PELI1: variants seen among roughly 807,000 people sequenced by gnomAD.
PELI1 encodes the protein pellino E3 ubiquitin protein ligase 1.
Under a neutral mutation model 41.3 loss-of-function variants are expected in PELI1, and 15 were observed. The ratio of observed to expected loss-of-function variants is 0.36; its 90% CI spans 0.24 to 0.56. PELI1 has a LOEUF of 0.56. Ranked by LOEUF, PELI1 falls within the 20% of genes least tolerant of loss-of-function variation. The probability of loss-of-function intolerance (pLI) is 0.82; values close to 1 mark genes in which losing one functional copy is unlikely to be tolerated. For missense variants in PELI1, 403 were observed against 525.5 expected (o/e 0.77, Z 2.28); for synonymous variants, 178 against 180.1 (o/e 0.99, Z 0.09).
intron 1 of PELI1, among the ~76,000 whole-genome samples, chr2:64,129,652 A>G (rs1192399824): frequency 6.6e-6 from 1 of 152,120 alleles, no homozygotes; most frequent in Non-Finnish European, 1.5e-5. Context: ...TAGGCTATTT[A>G]TAAGTTTTCT....
At chr2:64,104,307 T>C (rs1680544228) in intron 3 of PELI1, among the ~76,000 whole-genome samples, 1 of 150,424 alleles carries the variant, frequency 6.6e-6, no homozygotes, top group Non-Finnish European at 1.5e-5. Flanking sequence ...AATACCTGAA[T>C]ACACATATTA....
rs568081785 is a variant in PELI1, at chr2:64,131,619, CTTT to C, written c.-70+12459_-70+12461del. Among the ~76,000 whole-genome samples, 27 of 144,396 alleles carry C rather than the reference CTTT, an allele frequency of 1.9e-4. No homozygotes were observed. The South Asian group carries it at 5.0e-3, about 27-fold the overall frequency. 94.7% of individuals were successfully genotyped at this position (144,396 alleles called of 152,430 possible). On this transcript the variant is annotated intron_variant, in intron 1 of 6. Transcript: ENST00000358912. ...TAGAGAGTGAAATAGTAATCTCTCT[CTTT>C]TTTTTTTTTTTAAATTGAGACGGAG...
intron 1 of PELI1, among the ~76,000 whole-genome samples, chr2:64,129,387 C>A (rs1468841615): frequency 6.6e-6 from 1 of 152,058 alleles, no homozygotes; most frequent in Non-Finnish European, 1.5e-5. Flanking sequence ...TTTTAATATA[C>A]CCCTGACATT....
chr2:64,106,284 T>TTG (rs1388475602), intron 2 of PELI1: 2 of 152,214 alleles, frequency 1.3e-5, no homozygotes, highest in Non-Finnish European at 2.9e-5. Flanking sequence ...GCATGAAACC[T>TTG]TGTCCAGCTT....
intron 1 of PELI1, among the ~76,000 whole-genome samples, chr2:64,137,937 T>C (rs1011302874): frequency 2.6e-5 from 4 of 152,164 alleles, no homozygotes; most frequent in African/African-American, 9.7e-5. Context: ...CCATGGTGAC[T>C]ACTCTAAAGT....
intron 1 of PELI1, among the ~76,000 whole-genome samples, chr2:64,119,279 A>G (rs1303240049): frequency 6.6e-6 from 1 of 152,242 alleles, no homozygotes; most frequent in Non-Finnish European, 1.5e-5. Flanking sequence ...AATAGAAAAG[A>G]TCTGATGAAT....
Position 64,141,304 on chromosome 2 carries a change from G to GCC in PELI1, c.-70+2775_-70+2776dup, listed in dbSNP as rs766850456. Reference sequence around the variant, plus strand: ...TAACTTTTGGAATAACATGTTTCCCGCCCCCACCCCAAAGGAGCTCCTAAA... The same window carrying GCC: ...TAACTTTTGGAATAACATGTTTCCCGCCCCCCCACCCCAAAGGAGCTCCTAAA... On this transcript the variant is annotated intron_variant, in intron 1 of 6. Transcript: ENST00000358912. 6.5e-3 allele frequency among the ~76,000 whole-genome samples: 512 copies of GCC among 78,194 alleles called. 5 individuals are homozygous for GCC. Among genetic ancestry groups the GCC allele is most frequent in the Middle Eastern group, 0.036 (4 of 112 alleles). The allele number at this position is 78,194 out of a possible 152,430, so 51.3% of individuals were successfully genotyped here.
chr2:64,099,741 G>A (rs1489357314), intron 4 of PELI1, among the ~76,000 whole-genome samples: 2 of 152,200 alleles, frequency 1.3e-5, no homozygotes, highest in Non-Finnish European at 2.9e-5. Context: ...AAGCTTCAGA[G>A]AGCTCAATAT....
chr2:64,116,984 G>C (rs1389055511), intron 1 of PELI1, among the ~76,000 whole-genome samples: 1 of 152,186 alleles, frequency 6.6e-6, no homozygotes, highest in Non-Finnish European at 1.5e-5. Context: ...TGTTATAACT[G>C]TTTGGGGGTG....
chr2:64,143,801 C>CA lies in PELI1; in HGVS notation c.-70+279dup, dbSNP rs992039499. Among the ~76,000 whole-genome samples, 88 of 152,080 alleles carry CA rather than the reference C, an allele frequency of 5.8e-4. No homozygotes were observed. The Middle Eastern group carries it at 0.01, about 18-fold the overall frequency. ...CTCGCAGCCGGAGCGCGCGGCCAGC[C>CA]AGGCGCGGGGCTCGGAGTTGGCCGC... On this transcript the variant is annotated intron_variant, in intron 1 of 6. Transcript: ENST00000358912.
At chr2:64,143,787 AGC>A (rs1491540256) in intron 1 of PELI1, among the ~76,000 whole-genome samples, 5 of 151,834 alleles carry the variant, frequency 3.3e-5, no homozygotes, top group Non-Finnish European at 7.4e-5. Flanking sequence ...TCGCAGCCGG[AGC>A]GCGCGGCCAG....
chr2:64,092,691 T>C lies in PELI1; in HGVS notation c.*2011A>G, dbSNP rs1048845917. 1 of 152,196 alleles carries C rather than the reference T, an allele frequency of 6.6e-6. No individual in the cohort carries two copies. Among genetic ancestry groups the C allele is most frequent in the East Asian group, 1.9e-4 (1 of 5,202 alleles). 9.4% of individuals were successfully genotyped at this position (152,196 alleles called of 1,614,324 possible). On this transcript the variant is annotated 3_prime_UTR_variant, in exon 7 of 7. Transcript: ENST00000358912. ...ACAAAGTTCCTTTATTAGTAAGAGA[T>C]GCTTTTAAAAAAGAACCAGATACTT...
intron 1 of PELI1, among the ~76,000 whole-genome samples, chr2:64,135,676 C>T (rs1316269581): frequency 6.6e-6 from 1 of 152,134 alleles, no homozygotes; most frequent in Non-Finnish European, 1.5e-5. Flanking sequence ...TAACCTTGAA[C>T]CTGTTGCTGT....
chr2:64,119,502 G>A (rs1429482164), intron 1 of PELI1, among the ~76,000 whole-genome samples: 1 of 152,206 alleles, frequency 6.6e-6, no homozygotes, highest in Non-Finnish European at 1.5e-5. Context: ...CTGGCTGTCT[G>A]TTCACAGTTC....
chr2:64,113,691 A>G (rs942290561), intron 1 of PELI1, among the ~76,000 whole-genome samples: 2 of 152,174 alleles, frequency 1.3e-5, no homozygotes, highest in African/African-American at 4.8e-5. Context: ...GAGAACATGA[A>G]AAGTTACTCA....
At chr2:64,125,390 TA>T (rs1264452251) in intron 1 of PELI1, among the ~76,000 whole-genome samples, 1 of 152,186 alleles carries the variant, frequency 6.6e-6, no homozygotes, top group Non-Finnish European at 1.5e-5. Context: ...CTCAGCATTA[TA>T]GGAACTCTGT....
intron 2 of PELI1, among the ~76,000 whole-genome samples, chr2:64,108,010 T>C (rs908360953): frequency 6.6e-6 from 1 of 152,202 alleles, no homozygotes; most frequent in Middle Eastern, 3.2e-3. Flanking sequence ...CTCTGCCCTT[T>C]CTGTGGGTAA....
intron 1 of PELI1, among the ~76,000 whole-genome samples, chr2:64,114,309 G>T (rs1197153813): frequency 6.6e-6 from 1 of 152,092 alleles, no homozygotes; most frequent in Middle Eastern, 3.2e-3. Context: ...GCTGATGACT[G>T]GAGTTTAATT....
At chr2:64,142,195 A>T (rs1264638645) in intron 1 of PELI1, among the ~76,000 whole-genome samples, 1 of 151,894 alleles carries the variant, frequency 6.6e-6, no homozygotes, top group East Asian at 1.9e-4. Context: ...ACTACATGCA[A>T]CTTTCCATAC....
Sources: gnomAD v4.1 joint callset for allele counts (sites outside exome capture counted in the v4.1 genomes callset) on GRCh38, gnomAD v4.1.1 for gene constraint, MANE v1.5 for transcripts, NCBI Gene and HGNC (gene_info 2026-07-23, HGNC 2026-07-21) for gene names.